The following AK9 variants were observed in gnomAD, a reference collection of about 807,000 sequenced individuals.
AK9 encodes adenylate kinase 9.
A neutral mutation model predicts 239.6 loss-of-function variants in AK9; 191 were observed. The ratio of observed to expected loss-of-function variants is 0.80; its 90% CI spans 0.71 to 0.90. AK9 has a LOEUF of 0.90. AK9 is among the 40% of genes least tolerant of loss of function. The pLI is 0.00. For synonymous variants in AK9, 689 were observed against 721.0 expected (o/e 0.96, Z 0.71); for missense variants, 1,995 against 2,214.7 (o/e 0.90, Z 1.99).
At chr6:109,504,600 G>A (rs1197225128) in intron 35 of AK9, among the ~76,000 whole-genome samples, 1 of 151,924 alleles carries the variant, frequency 6.6e-6, no homozygotes, top group Non-Finnish European at 1.5e-5. Context: ...CCCGAGGTCG[G>A]GAGTTTGAGC....
At chr6:109,527,237 G>C (rs754810273) in intron 29 of AK9, among the ~76,000 whole-genome samples, 1 of 146,000 alleles carries the variant, frequency 6.8e-6, no homozygotes, top group Non-Finnish European at 1.5e-5. Flanking sequence ...GTAATGACTG[G>C]GATATTGAAG....
intron 5 of AK9, among the ~76,000 whole-genome samples, chr6:109,663,639 C>A (rs1026988005): frequency 3.9e-5 from 6 of 152,188 alleles, no homozygotes; most frequent in African/African-American, 1.4e-4. Flanking sequence ...AGTGTGTCAA[C>A]ATTTGGAAGA....
chr6:109,508,831 G>A (rs1352745071), intron 33 of AK9, among the ~76,000 whole-genome samples: 2 of 152,172 alleles, frequency 1.3e-5, no homozygotes, highest in African/African-American at 2.4e-5. Flanking sequence ...CCTGGGGGAT[G>A]GGGGAGGGCC....
intron 19 of AK9, among the ~76,000 whole-genome samples, chr6:109,579,960 AATGTC>A (rs1475239930): frequency 6.6e-6 from 1 of 152,218 alleles, no homozygotes; most frequent in African/African-American, 2.4e-5. Context: ...TTCACAATAT[AATGTC>A]AAGTAAGAAA....
intron 40 of AK9, 128 bp downstream of exon 40, chr6:109,493,853 A>G: frequency 2.7e-6 from 2 of 749,512 alleles, no homozygotes; most frequent in South Asian, 2.0e-5. Flanking sequence ...CCTGTATTGT[A>G]TTTGCTACTA....
At chr6:109,684,912 A>AAAAAAAAAAAAAAG (rs1183838812) in intron 1 of AK9, among the ~76,000 whole-genome samples, 1 of 136,498 alleles carries the variant, frequency 7.3e-6, no homozygotes, top group Non-Finnish European at 1.6e-5. Flanking sequence ...AAAAAAAAAA[A>AAAAAAAAAAAAAAG]GTAGGCAAAG....
At chr6:109,568,719 C>G (rs962163381) in intron 21 of AK9, among the ~76,000 whole-genome samples, 23 of 152,262 alleles carry the variant, frequency 1.5e-4, no homozygotes, top group South Asian at 1.0e-3. Flanking sequence ...ATCCAACTTA[C>G]AAGGGATGTG....
intron 10 of AK9, among the ~76,000 whole-genome samples, chr6:109,635,913 C>T (rs1236407859): frequency 6.6e-6 from 1 of 152,182 alleles, no homozygotes; most frequent in Non-Finnish European, 1.5e-5. Context: ...CCTGCCCCTG[C>T]AATGCAGCTG....
chr6:109,651,087 G>C (rs1329202308), intron 8 of AK9, among the ~76,000 whole-genome samples: 1 of 152,088 alleles, frequency 6.6e-6, no homozygotes, highest in African/African-American at 2.4e-5. Flanking sequence ...GTTGTGGGGT[G>C]GGGGTAGTGG....
chr6:109,522,057 A>G (rs1229902947), intron 29 of AK9, among the ~76,000 whole-genome samples: 1 of 152,036 alleles, frequency 6.6e-6, no homozygotes, highest in East Asian at 1.9e-4. Context: ...CTAAGTACAG[A>G]GTTCTAGGCT....
At chr6:109,612,664 T>C (rs1165385833) in intron 15 of AK9, among the ~76,000 whole-genome samples, 1 of 152,030 alleles carries the variant, frequency 6.6e-6, no homozygotes, top group Non-Finnish European at 1.5e-5. Context: ...AGGCTGTGTG[T>C]GTTAAGGGAG....
chr6:109,579,892 T>C (rs9320303), intron 19 of AK9, among the ~76,000 whole-genome samples: 116,811 of 152,116 alleles, frequency 0.77, 45,763 homozygotes, highest in East Asian at 0.99. Flanking sequence ...CCTAACTGTA[T>C]GTTGAAAAGG....
At chr6:109,624,128 T>C (rs895513819) in intron 12 of AK9, among the ~76,000 whole-genome samples, 10 of 151,950 alleles carry the variant, frequency 6.6e-5, no homozygotes. Context: ...CAAGTATAAA[T>C]TTCTGCTTGA....
chr6:109,550,227 T>C lies in AK9; in HGVS notation c.2827A>G (p.Asn943Asp), dbSNP rs973345442. Residue 943 changes from asparagine to aspartate, a missense_variant, in exon 25 of 41, where the codon AAC becomes GAC. Asn to Asp is a conservative substitution (Grantham distance 23). Transcript: ENST00000424296. ...GTGTTTCCTGGTTGCAGGATGAAGT[T>C]TTCTTTGAGGACCACCGGACAAAAG... ...KHFCPVVLKE[N>D]FILQPGNTEE... The C allele has an allele frequency of 3.7e-6, 6 of 1,613,440 alleles. No homozygotes were observed. Among genetic ancestry groups the C allele is most frequent in the Non-Finnish European group, 1.7e-6 (2 of 1,180,018 alleles).
At chr6:109,635,236 A>G (rs1796568807) in intron 10 of AK9, among the ~76,000 whole-genome samples, 1 of 152,226 alleles carries the variant, frequency 6.6e-6, no homozygotes. Context: ...AAGCAGATGG[A>G]TGAGTGGTAA....
intron 12 of AK9, among the ~76,000 whole-genome samples, chr6:109,624,929 C>G (rs1795334761): frequency 6.6e-6 from 1 of 151,938 alleles, no homozygotes; most frequent in Non-Finnish European, 1.5e-5. Flanking sequence ...ACTTTAATTT[C>G]TATCTTTTAA....
chr6:109,565,496 A>G (rs553800723), intron 21 of AK9, among the ~76,000 whole-genome samples: 1 of 152,238 alleles, frequency 6.6e-6, no homozygotes, highest in African/African-American at 2.4e-5. Flanking sequence ...TTTTTTTTCA[A>G]GAAGATACAC....
chr6:109,596,267 C>A (rs1791017554), intron 17 of AK9, among the ~76,000 whole-genome samples: 1 of 152,190 alleles, frequency 6.6e-6, no homozygotes, highest in South Asian at 2.1e-4. Context: ...TGAAGCCTAA[C>A]TGGGCTGACC....
At chr6:109,580,934 AC>A (rs1249053878) in intron 19 of AK9, among the ~76,000 whole-genome samples, 3 of 150,790 alleles carry the variant, frequency 2.0e-5, no homozygotes, top group Non-Finnish European at 4.4e-5. Flanking sequence ...GTTTTGTTTT[AC>A]AAGTTGAGGG....
Sources: allele counts gnomAD v4.1 joint callset (sites outside exome capture counted in the v4.1 genomes callset), GRCh38; gene constraint gnomAD v4.1.1; transcripts MANE v1.5; gene names NCBI Gene and HGNC (gene_info 2026-07-23, HGNC 2026-07-21).